Variants in ALDH18A1 observed in about 807,000 individuals in gnomAD.
ALDH18A1 encodes the protein delta-1-pyrroline-5-carboxylate synthase.
Under a neutral mutation model 88.8 loss-of-function variants are expected in ALDH18A1, and 44 were observed. The ratio of observed to expected loss-of-function variants is 0.50; its 90% confidence interval spans 0.39 to 0.64. The LOEUF (loss-of-function observed/expected upper bound fraction) is 0.64, where lower values mean the gene tolerates loss of function less well. ALDH18A1 is among the 30% of genes least tolerant of loss of function. ALDH18A1 has a pLI of 0.00. For missense variants in ALDH18A1, 782 were observed against 1,009.5 expected, an observed-to-expected ratio of 0.77 and a Z score of 3.05; for synonymous variants, 331 against 372.1, an observed-to-expected ratio of 0.89 and a Z score of 1.27.
At chr10:95,621,346 G>A (rs1036902972) in intron 11 of ALDH18A1, 95 bp from the exon 12 acceptor site, 5 of 1,119,636 alleles carry the variant, frequency 4.5e-6, no homozygotes, top group African/African-American at 3.1e-5. Context: ...TTGAGACAGG[G>A]TCTCACTCTG....
intron 12 of ALDH18A1, 118 bp from the exon 13 acceptor site, chr10:95,616,732 C>T: frequency 7.5e-7 from 1 of 1,339,338 alleles, no homozygotes; most frequent in Non-Finnish European, 1.0e-6. Flanking sequence ...TTTAGAAGGC[C>T]TATGCTGTTT....
intron 5 of ALDH18A1, among the ~76,000 whole-genome samples, chr10:95,635,274 TCAAA>T (rs2097878461): frequency 6.6e-6 from 1 of 152,040 alleles, no homozygotes; most frequent in African/African-American, 2.4e-5. Context: ...TGGTGAAAGA[TCAAA>T]CAATTAATAT....
chr10:95,626,489 G>A (rs1247759515), intron 10 of ALDH18A1, among the ~76,000 whole-genome samples: 1 of 151,938 alleles, frequency 6.6e-6, no homozygotes, highest in East Asian at 1.9e-4. Flanking sequence ...TCATAGTGAT[G>A]AAAAGTTATC....
chr10:95,642,522 G>A (rs530812681), intron 3 of ALDH18A1, among the ~76,000 whole-genome samples: 1 of 152,294 alleles, frequency 6.6e-6, no homozygotes, highest in Non-Finnish European at 1.5e-5. Context: ...GGCTGAGGTG[G>A]GAGTATCACT....
intron 5 of ALDH18A1, among the ~76,000 whole-genome samples, chr10:95,636,116 C>G (rs2097880132): frequency 6.6e-6 from 1 of 152,136 alleles, no homozygotes; most frequent in East Asian, 1.9e-4. Context: ...ACCAGAACAT[C>G]ACTGTGGGTA....
At chr10:95,638,398 T>C (rs1038937961) in intron 3 of ALDH18A1, among the ~76,000 whole-genome samples, 3 of 151,892 alleles carry the variant, frequency 2.0e-5, no homozygotes, top group South Asian at 2.1e-4. Flanking sequence ...CTGTATTAGG[T>C]TGGTGCAAAA....
At chr10:95,615,496 T>A (rs2097842698) in intron 13 of ALDH18A1, among the ~76,000 whole-genome samples, 1 of 152,082 alleles carries the variant, frequency 6.6e-6, no homozygotes, top group African/African-American at 2.4e-5. Flanking sequence ...TATACATGTG[T>A]GTGTGTGAAC....
Position 95,621,223 on chromosome 10 carries a change from A to G in ALDH18A1, c.1275T>C (p.Arg425=), listed in dbSNP as rs750182421. The G allele has an allele frequency of 6.8e-6, 11 of 1,613,424 alleles. No homozygotes were observed. Among genetic ancestry groups the G allele is most frequent in the African/African-American group, 2.7e-5 (2 of 74,864 alleles). Residue 425 remains arginine (R), a synonymous_variant, in exon 12 of 18, where the codon CGT becomes CGC. Coordinates refer to ENST00000371224, the MANE Select transcript of ALDH18A1 (RefSeq NM_002860.4). Reference sequence around the variant, plus strand: ...TCAATTTGGATGTGGAGAGGCTTAAACGTTTCAGCAGAGGAGCTGCAAGTC... The same window carrying G: ...TCAATTTGGATGTGGAGAGGCTTAAGCGTTTCAGCAGAGGAGCTGCAAGTC... The part of the protein sequence containing the change: ...EGRLAAPLLK[R]LSLSTSKLNS...
intron 13 of ALDH18A1, among the ~76,000 whole-genome samples, chr10:95,614,431 G>A (rs2097841094): frequency 6.6e-6 from 1 of 152,240 alleles, no homozygotes; most frequent in Non-Finnish European, 1.5e-5. Context: ...TCAGCATCAA[G>A]TAGGGAAGGC....
chr10:95,652,054 A>G (rs1367320390), intron 2 of ALDH18A1, among the ~76,000 whole-genome samples: 1 of 152,248 alleles, frequency 6.6e-6, no homozygotes, highest in Non-Finnish European at 1.5e-5. Context: ...ATAAAAAGGA[A>G]CTAACTGATA....
intron 10 of ALDH18A1, 50 bp from the exon 11 acceptor site, chr10:95,625,505 A>G: frequency 6.7e-7 from 1 of 1,482,188 alleles, no homozygotes; most frequent in South Asian, 1.1e-5. Flanking sequence ...ATCCAAGAAG[A>G]ATGCACACCA....
Position 95,634,390 on chromosome 10 carries a change from C to T in ALDH18A1, c.559-741G>A, listed in dbSNP as rs374896196. On this transcript the variant is annotated intron_variant, in intron 5 of 17. Coordinates refer to ENST00000371224, the MANE Select transcript of ALDH18A1 (RefSeq NM_002860.4). The stretch of plus-strand genomic sequence containing the variant: ...AGTAACTGGGACTAAAGATGCACAC[C>T]GCTGTGCCCCAGCAATTTCTAAAAT... 2.1e-4 allele frequency among the ~76,000 whole-genome samples: 32 copies of T among 152,238 alleles called. No homozygotes were observed. The East Asian group carries it at 2.3e-3, about 11-fold the overall frequency.
chr10:95,631,742 C>CAAAAAA (rs71034341), intron 7 of ALDH18A1, among the ~76,000 whole-genome samples: 8 of 76,476 alleles, frequency 1.0e-4, no homozygotes, highest in East Asian at 4.0e-4. Context: ...GGCTCTGCCT[C>CAAAAAA]AAAAAAAAAA....
chr10:95,655,138 TTATTA>T (rs1003583221), intron 1 of ALDH18A1, among the ~76,000 whole-genome samples: 1 of 76,496 alleles, frequency 1.3e-5, no homozygotes, highest in African/African-American at 3.3e-5. Flanking sequence ...TTTATTATTA[TTATTA>T]TTATTATTAT....
chr10:95,633,602 G>A lies in ALDH18A1; in HGVS notation c.606C>T (p.Asn202=), dbSNP rs570655149. The A allele has an allele frequency of 8.1e-6, 13 of 1,614,086 alleles. No individual in the cohort carries two copies. In the South Asian group the frequency reaches 1.4e-4, roughly 18 times the overall value. The change falls in exon 6 of 18, where the codon AAC becomes AAT. Residue 202 remains asparagine, a synonymous_variant. Coordinates refer to ENST00000371224, the MANE Select transcript of ALDH18A1 (RefSeq NM_002860.4). ...LDFHDEQKRR[N]LNGTLHELLR... Reference sequence around the variant, plus strand: ...GGAGTTCATGAAGTGTTCCATTGAGGTTCCGGCGCTTCTGCTCATCATGGA... The same window carrying A: ...GGAGTTCATGAAGTGTTCCATTGAGATTCCGGCGCTTCTGCTCATCATGGA...
At chr10:95,624,883 C>G (rs1388115425) in intron 11 of ALDH18A1, among the ~76,000 whole-genome samples, 2 of 152,158 alleles carry the variant, frequency 1.3e-5, no homozygotes, top group African/African-American at 4.8e-5. Flanking sequence ...CATCACTGAC[C>G]ATGTGGATTT....
intron 13 of ALDH18A1, among the ~76,000 whole-genome samples, chr10:95,616,178 C>T (rs1196858947): frequency 3.3e-5 from 5 of 152,204 alleles, no homozygotes; most frequent in Admixed American, 1.3e-4. Context: ...GGAACCTAGG[C>T]CTCACACTCT....
At chr10:95,616,428 C>T (rs770405239) in intron 13 of ALDH18A1, 49 bp downstream of exon 13, 3 of 1,551,776 alleles carry the variant, frequency 1.9e-6, no homozygotes, top group Admixed American at 2.0e-5. Flanking sequence ...TTCCCAAACA[C>T]CTGATCTGGC....
chr10:95,637,755 G>A (rs1216704688), intron 3 of ALDH18A1, among the ~76,000 whole-genome samples: 1 of 152,114 alleles, frequency 6.6e-6, no homozygotes, highest in Non-Finnish European at 1.5e-5. Context: ...CAATGCCTGA[G>A]CCCAGGAGGT....
Sources: gnomAD v4.1 joint callset for allele counts (sites outside exome capture counted in the v4.1 genomes callset) on GRCh38, gnomAD v4.1.1 for gene constraint, MANE v1.5 for transcripts, NCBI Gene and HGNC (gene_info 2026-07-23, HGNC 2026-07-21) for gene names.